Variants in IGSF9B observed in about 807,000 individuals in gnomAD.
IGSF9B encodes protein turtle homolog B.
IGSF9B carries 48 observed loss-of-function variants against 143.7 expected under a neutral mutation model. That is an observed-to-expected ratio of 0.33 (90% confidence interval 0.26 to 0.42). The LOEUF (loss-of-function observed/expected upper bound fraction) is 0.42. Among genes scored for constraint, IGSF9B ranks in the 20% least tolerant of loss-of-function variants. The pLI, the probability that IGSF9B is intolerant of heterozygous loss-of-function variation, is 1.00. For synonymous variants in IGSF9B, 903 were observed against 833.1 expected, an observed-to-expected ratio of 1.08 and a Z score of -1.44; for missense variants, 1,706 against 1,980.0, an observed-to-expected ratio of 0.86 and a Z score of 2.63.
chr11:133,921,798 A>C (rs1341497906), intron 17 of IGSF9B, among the ~76,000 whole-genome samples: 1 of 151,954 alleles, frequency 6.6e-6, no homozygotes, highest in Admixed American at 6.6e-5. Flanking sequence ...CTCCAGCTTC[A>C]TTCCCCTCTT....
At position 133,898,880 on chromosome 11, in the gene IGSF9B, C is replaced by T. The variant is rs1029202032; in HGVS notation, c.*10189G>A. The stretch of plus-strand genomic sequence containing the variant: ...CTTCCCCCACCTCCTACTTTCAGAC[C>T]GCCCAAAGTGGATCACCATGAACAT... On this transcript the variant is annotated 3_prime_UTR_variant, in exon 20 of 20. Coordinates refer to ENST00000533871, the MANE Select transcript of IGSF9B (RefSeq NM_001277285.4). 1.3e-5 allele frequency: 2 copies of T among 152,180 alleles called. No homozygotes were observed. The highest frequency in any genetic ancestry group is 6.5e-5 in the Admixed American group (1 of 15,288). The allele number at this position is 152,180 out of a possible 1,614,324, so 9.4% of individuals were successfully genotyped here.
chr11:133,916,842 T>C (rs1261451412), intron 18 of IGSF9B, among the ~76,000 whole-genome samples: 1 of 151,786 alleles, frequency 6.6e-6, no homozygotes, highest in African/African-American at 2.4e-5. Context: ...GGGAGGGAGC[T>C]GGGGAAGGTG....
Position 133,948,079 on chromosome 11 carries a change from G to C in IGSF9B, c.65-1821C>G, listed in dbSNP as rs929273921. Among the ~76,000 whole-genome samples, 3 of 144,060 alleles carry C rather than the reference G, an allele frequency of 2.1e-5. No individual in the cohort carries two copies. Among genetic ancestry groups the C allele is most frequent in the Admixed American group, 1.4e-4 (2 of 14,424 alleles). The allele number at this position is 144,060 out of a possible 152,430, so 94.5% of individuals were successfully genotyped here. ...TGCGTGTGTGTGTGTGTGTGTGTGT[G>C]TGTGTGTGTGTCTGTGTGTGTTTCG... On this transcript the variant is annotated intron_variant, in intron 1 of 19. Coordinates refer to ENST00000533871, the MANE Select transcript of IGSF9B (RefSeq NM_001277285.4). This position sits in a 1 kb window ranked among gnomAD's most constrained non-coding sequence, Gnocchi z 4.7.
In IGSF9B at chr11:133,945,100, C is replaced by T. The variant is rs1033640064; in HGVS notation, c.263-734G>A. On this transcript the variant is annotated intron_variant, in intron 2 of 19. Transcript: ENST00000533871. This position sits in a 1 kb window ranked among gnomAD's most constrained non-coding sequence, Gnocchi z 4.6. The stretch of plus-strand genomic sequence containing the variant: ...GATGCCATCTGTGTCTCACATGTGG[C>T]AATGAGGAGGCCAGAGGTGCAGAAG... Among the ~76,000 whole-genome samples the T allele has an allele frequency of 6.6e-6, 1 of 152,168 alleles. No individual in the cohort carries two copies.
chr11:133,950,502 G>A (rs867663167), intron 1 of IGSF9B, among the ~76,000 whole-genome samples: 12 of 152,334 alleles, frequency 7.9e-5, no homozygotes, highest in South Asian at 2.1e-4. Context: ...CCCGATGCAC[G>A]GATGGTGTCC....
rs116898370 is a variant in IGSF9B, at chr11:133,913,707, A to G, written c.3984-1700T>C. Among the ~76,000 whole-genome samples the G allele has an allele frequency of 1.3e-5, 2 of 152,358 alleles. No individual in the cohort carries two copies. The highest frequency in any genetic ancestry group is 3.9e-4 in the East Asian group (2 of 5,180). ...TCTACCCAGAGAGATCCTACAGCGCAGCAGCAGCTGGGAAGGAAGCGGGAA... is the reference window on the plus strand; with the variant it reads ...TCTACCCAGAGAGATCCTACAGCGCGGCAGCAGCTGGGAAGGAAGCGGGAA... On this transcript the variant is annotated intron_variant, in intron 18 of 19. Coordinates refer to ENST00000533871, the MANE Select transcript of IGSF9B (RefSeq NM_001277285.4). This position sits in a 1 kb window ranked among gnomAD's most constrained non-coding sequence, Gnocchi z 4.6.
In IGSF9B at chr11:133,903,997, G is replaced by C. The variant is rs1208198370; in HGVS notation, c.*5072C>G. On this transcript the variant is annotated 3_prime_UTR_variant, in exon 20 of 20. Transcript: ENST00000533871. ...GACATTAAAGAGAGAAGAATGGCTG[G>C]TCAAGCCAAGAGTTTCAGGTGAAAC... 1.3e-5 allele frequency among the ~76,000 whole-genome samples: 2 copies of C among 152,156 alleles called. No individual in the cohort carries two copies. Among genetic ancestry groups the C allele is most frequent in the African/African-American group, 4.8e-5 (2 of 41,430 alleles).
At chr11:133,944,919 G>C (rs1940018927) in intron 2 of IGSF9B, among the ~76,000 whole-genome samples, 1 of 152,076 alleles carries the variant, frequency 6.6e-6, no homozygotes. Context: ...CAGTCCTGCT[G>C]TCAGTGCCAG....
Position 133,903,124 on chromosome 11 carries a change from G to A in IGSF9B, c.*5945C>T, listed in dbSNP as rs1265766444. Among the ~76,000 whole-genome samples the A allele has an allele frequency of 1.3e-5, 2 of 152,164 alleles. No homozygotes were observed. Among genetic ancestry groups the A allele is most frequent in the South Asian group, 4.1e-4 (2 of 4,822 alleles). Reference sequence around the variant, plus strand: ...GAAGTGGGGAAAGGAAAAGGGAAGGGAAGCTAACTGGTGTGTATACGGGGT... The same window carrying A: ...GAAGTGGGGAAAGGAAAAGGGAAGGAAAGCTAACTGGTGTGTATACGGGGT... On this transcript the variant is annotated 3_prime_UTR_variant, in exon 20 of 20. Coordinates refer to ENST00000533871, the MANE Select transcript of IGSF9B (RefSeq NM_001277285.4).
Position 133,920,663 on chromosome 11 carries a change from G to T in IGSF9B, c.3062C>A (p.Ser1021Tyr). The T allele has an allele frequency of 1.9e-6, 3 of 1,613,522 alleles. No individual in the cohort carries two copies. The highest frequency in any genetic ancestry group is 2.5e-6 in the Non-Finnish European group (3 of 1,179,832). The change falls in exon 18 of 20, where the codon TCC (serine) becomes TAC (tyrosine). Residue 1021 changes from serine (S) to tyrosine (Y), a missense_variant. Coordinates refer to ENST00000533871, the MANE Select transcript of IGSF9B (RefSeq NM_001277285.4). Reference protein sequence around the residue: ...TIPEENGENASNSTLPLTQTP... With the variant: ...TIPEENGENAYNSTLPLTQTP... The stretch of plus-strand genomic sequence containing the variant: ...CTGAGTCAAGGGCAGCGTGCTGTTG[G>T]ATGCATTCTCTCCATTCTCCTCGGG...
In IGSF9B at chr11:133,913,624, T is replaced by C. The variant is rs1322769238; in HGVS notation, c.3984-1617A>G. 6.6e-6 allele frequency among the ~76,000 whole-genome samples: 1 copy of C among 152,150 alleles called. No homozygotes were observed. The highest frequency in any genetic ancestry group is 6.5e-5 in the Admixed American group (1 of 15,284). ...AGCTAAGAAGGCTACACAGGGTCCC[T>C]CAGGTGCACACACAGGCACACACAG... On this transcript the variant is annotated intron_variant, in intron 18 of 19. Coordinates refer to ENST00000533871, the MANE Select transcript of IGSF9B (RefSeq NM_001277285.4). This position sits in a 1 kb window ranked among gnomAD's most constrained non-coding sequence, Gnocchi z 4.6.
intron 3 of IGSF9B, among the ~76,000 whole-genome samples, chr11:133,939,361 G>C (rs2121325356): frequency 6.6e-6 from 1 of 152,332 alleles, no homozygotes; most frequent in East Asian, 1.9e-4. Context: ...TCACTTACAA[G>C]TCTGTCTCTC....
rs1012991800 is a variant in IGSF9B at position 133,902,381 on chromosome 11, ACACAC to A, written c.*6683_*6687del. 7.0e-6 allele frequency among the ~76,000 whole-genome samples: 1 copy of A among 142,766 alleles called. No individual in the cohort carries two copies. The highest frequency in any genetic ancestry group is 1.5e-5 in the Non-Finnish European group (1 of 65,292). The allele number at this position is 142,766 out of a possible 152,430, so 93.7% of individuals were successfully genotyped here. On this transcript the variant is annotated 3_prime_UTR_variant, in exon 20 of 20. Transcript: ENST00000533871. ...CCACACAATAGACACACCACACACA[ACACAC>A]CACACAATACGCACAACACATACCA... is the stretch of plus-strand genomic sequence containing the variant.
Position 133,931,915 on chromosome 11 carries a change from GGGC to G in IGSF9B, c.1111-123_1111-121del. 1 of 1,505,228 alleles carries G rather than the reference GGGC, an allele frequency of 6.6e-7. No individual in the cohort carries two copies. Among genetic ancestry groups the G allele is most frequent in the East Asian group, 2.4e-5 (1 of 42,086 alleles). 93.2% of individuals were successfully genotyped at this position (1,505,228 alleles called of 1,614,324 possible). ...TAGTACAGGAGCTCCAGCCCGGGGC[GGGC>G]GGCACCCGCAGACCCCTACAGAAGC... On this transcript the variant is annotated intron_variant, in intron 8 of 19. Coordinates refer to ENST00000533871, the MANE Select transcript of IGSF9B (RefSeq NM_001277285.4). This position sits in a 1 kb window ranked among gnomAD's most constrained non-coding sequence, Gnocchi z 7.7.
rs1939154741 is a variant in IGSF9B at position 133,902,548 on chromosome 11, A to C, written c.*6521T>G. On this transcript the variant is annotated 3_prime_UTR_variant, in exon 20 of 20. Coordinates refer to ENST00000533871, the MANE Select transcript of IGSF9B (RefSeq NM_001277285.4). ...CACACCACACACATATACCACACAC[A>C]CCACATACACACACACACCCCACAC... Among the ~76,000 whole-genome samples the C allele has an allele frequency of 7.4e-6, 1 of 135,244 alleles. No homozygotes were observed. Among genetic ancestry groups the C allele is most frequent in the African/African-American group, 2.7e-5 (1 of 36,728 alleles). 88.7% of individuals were successfully genotyped at this position (135,244 alleles called of 152,430 possible).
chr11:133,923,901 C>CT (rs1461104860), intron 15 of IGSF9B, among the ~76,000 whole-genome samples: 1 of 152,262 alleles, frequency 6.6e-6, no homozygotes, highest in African/African-American at 2.4e-5. Context: ...TCCTCCAACT[C>CT]TGAGTCTATT....
chr11:133,942,387 AG>A (rs1186761188), intron 3 of IGSF9B, among the ~76,000 whole-genome samples: 1 of 152,218 alleles, frequency 6.6e-6, no homozygotes, highest in Non-Finnish European at 1.5e-5. Flanking sequence ...CATCTTTTAA[AG>A]GTCTCGCTCC....
chr11:133,940,573 AAC>A (rs1260918620), intron 3 of IGSF9B, among the ~76,000 whole-genome samples: 39 of 122,598 alleles, frequency 3.2e-4, no homozygotes, highest in Admixed American at 6.3e-4. Context: ...CACATGCAAA[AAC>A]ACACACCTCG....
In IGSF9B at chr11:133,904,221, T is replaced by C. The variant is rs911794755; in HGVS notation, c.*4848A>G. Among the ~76,000 whole-genome samples, 2 of 152,058 alleles carry C rather than the reference T, an allele frequency of 1.3e-5. No individual in the cohort carries two copies. The highest frequency in any genetic ancestry group is 2.9e-5 in the Non-Finnish European group (2 of 68,012). ...TCACCATCACCATCACCAAGGCCCA[T>C]GAACATTTTCAGATTGTGGACGGAG... is the stretch of plus-strand genomic sequence containing the variant. On this transcript the variant is annotated 3_prime_UTR_variant, in exon 20 of 20. Transcript: ENST00000533871.
Sources: gnomAD v4.1 joint callset for allele counts (sites outside exome capture counted in the v4.1 genomes callset) on GRCh38, gnomAD v4.1.1 for gene constraint, Gnocchi (gnomAD v3.1) non-coding constraint, MANE v1.5 for transcripts, NCBI Gene and HGNC (gene_info 2026-07-23, HGNC 2026-07-21) for gene names.